The following PLOD2 variants were observed in gnomAD, a reference collection of about 807,000 sequenced individuals.
The protein encoded by PLOD2 is procollagen-lysine,2-oxoglutarate 5-dioxygenase 2.
Under a neutral mutation model 101.0 loss-of-function variants are expected in PLOD2, and 65 were observed. The observed-to-expected ratio is 0.64, with a 90% CI of 0.53 to 0.79. The LOEUF (loss-of-function observed/expected upper bound fraction) is 0.79. Ranked by LOEUF, PLOD2 falls within the 30% of genes least tolerant of loss-of-function variation. The probability of loss-of-function intolerance (pLI) is 0.00; values close to 1 mark genes in which losing one functional copy is unlikely to be tolerated. For synonymous variants in PLOD2, 314 were observed against 302.9 expected (o/e 1.04, Z -0.38); for missense variants, 909 against 914.6 (o/e 0.99, Z 0.08).
chr3:146,132,197 T>A (rs1431122396), intron 1 of PLOD2, among the ~76,000 whole-genome samples: 3 of 152,156 alleles, frequency 2.0e-5, no homozygotes, highest in African/African-American at 7.2e-5. Flanking sequence ...CATCCCAGTA[T>A]GCCCAGGGCT....
chr3:146,156,384 T>C (rs1450888490), intron 1 of PLOD2, among the ~76,000 whole-genome samples: 2 of 152,276 alleles, frequency 1.3e-5, no homozygotes, highest in Non-Finnish European at 2.9e-5. Context: ...CTGTAACTAC[T>C]ACTCAGCTCT....
intron 1 of PLOD2, among the ~76,000 whole-genome samples, chr3:146,156,324 T>G (rs1046170459): frequency 1.3e-5 from 2 of 152,224 alleles, no homozygotes; most frequent in Non-Finnish European, 2.9e-5. Flanking sequence ...AAAGTTTTTC[T>G]GTACAGGACC....
At chr3:146,139,962 G>C (rs2031442204) in intron 1 of PLOD2, among the ~76,000 whole-genome samples, 1 of 151,980 alleles carries the variant, frequency 6.6e-6, no homozygotes. Flanking sequence ...AGAAATGAAT[G>C]GTTCGCCACC....
intron 15 of PLOD2, among the ~76,000 whole-genome samples, chr3:146,074,693 T>C (rs576519890): frequency 2.1e-5 from 3 of 140,220 alleles, no homozygotes; most frequent in African/African-American, 8.0e-5. Context: ...CAATACTGAT[T>C]TTTCTTCAAG....
chr3:146,117,748 T>C (rs2108083510), intron 3 of PLOD2, among the ~76,000 whole-genome samples: 1 of 152,280 alleles, frequency 6.6e-6, no homozygotes, highest in Non-Finnish European at 1.5e-5. Context: ...TAACAGTGCC[T>C]GGAAGACACT....
chr3:146,153,746 CAGG>C (rs1447293780), intron 1 of PLOD2, among the ~76,000 whole-genome samples: 3 of 149,868 alleles, frequency 2.0e-5, no homozygotes, highest in African/African-American at 7.4e-5. Flanking sequence ...CGAGACTGAC[CAGG>C]AGTACTGTCA....
At chr3:146,075,564 C>T (rs1340758337) in intron 15 of PLOD2, among the ~76,000 whole-genome samples, 1 of 150,104 alleles carries the variant, frequency 6.7e-6, no homozygotes. Context: ...ACTCCATATG[C>T]TGAATCAATC....
In PLOD2 at chr3:146,160,894, C is replaced by T. The variant is rs1177148138; in HGVS notation, c.96G>A (p.Ser32=). ...CGGGGTGCTCACCTGTGGGGATGCT[C>T]GAGGGCTTCTCCGAGTCCGCACCCA... is the stretch of plus-strand genomic sequence containing the variant. The part of the protein sequence containing the change: ...PCLGADSEKP[S]SIPTDKLLVI... Residue 32 remains serine, a synonymous_variant, in exon 1 of 20, where the codon TCG becomes TCA. Coordinates refer to ENST00000282903, the MANE Select transcript of PLOD2 (RefSeq NM_182943.3). 2 of 1,579,936 alleles carry T rather than the reference C, an allele frequency of 1.3e-6. No individual in the cohort carries two copies. The highest frequency in any genetic ancestry group is 2.3e-5 in the East Asian group (1 of 43,302).
Position 146,100,077 on chromosome 3 carries a change from C to T in PLOD2, c.777+2678G>A, listed in dbSNP as rs1029495297. Among the ~76,000 whole-genome samples the T allele has an allele frequency of 1.1e-4, 17 of 152,088 alleles. No homozygotes were observed. The East Asian group carries it at 2.9e-3, about 26-fold the overall frequency. ...TGTATTTTTAGTAGAGACGGGGTTT[C>T]ACCATGTTGGTCAGGCTGGTCTTGA... On this transcript the variant is annotated intron_variant, in intron 7 of 19. Coordinates refer to ENST00000282903, the MANE Select transcript of PLOD2 (RefSeq NM_182943.3).
chr3:146,116,755 G>A (rs181362606), intron 3 of PLOD2, among the ~76,000 whole-genome samples: 132 of 152,224 alleles, frequency 8.7e-4, no homozygotes, highest in Non-Finnish European at 1.5e-3. Context: ...GACAGTATCA[G>A]ATGGTCTCAC....
At chr3:146,077,700 G>C in intron 14 of PLOD2, 162 bp downstream of exon 14, 2 of 555,636 alleles carry the variant, frequency 3.6e-6, no homozygotes, top group Non-Finnish European at 3.2e-6. Context: ...CAAGACCCAT[G>C]CCCAAGTCAC....
chr3:146,070,512 A>C lies in PLOD2; in HGVS notation c.*205T>G. The C allele has an allele frequency of 2.5e-6, 1 of 395,704 alleles. No individual in the cohort carries two copies. Among genetic ancestry groups the C allele is most frequent in the South Asian group, 8.6e-5 (1 of 11,570 alleles). 24.5% of individuals were successfully genotyped at this position (395,704 alleles called of 1,614,324 possible). On this transcript the variant is annotated 3_prime_UTR_variant, in exon 20 of 20. Transcript: ENST00000282903. ...AAGTTTTTTCTTTCTTTTCTTCTTC[A>C]ATCTGTGTTTTAAGGCTCAGAGCAG...
intron 4 of PLOD2, among the ~76,000 whole-genome samples, chr3:146,107,021 T>C (rs1937546589): frequency 6.6e-6 from 1 of 152,202 alleles, no homozygotes; most frequent in Admixed American, 6.5e-5. Context: ...AAGCTCTTCT[T>C]GGATTCTCTG....
At chr3:146,080,480 T>C (rs183295204) in intron 12 of PLOD2, among the ~76,000 whole-genome samples, 82 of 151,968 alleles carry the variant, frequency 5.4e-4, no homozygotes, top group Non-Finnish European at 9.9e-4. Context: ...CAGAAATTAA[T>C]CTCTGGGGAA....
In PLOD2 at chr3:146,076,869, T is replaced by C; in HGVS notation, c.1590A>G (p.Arg530=). The C allele has an allele frequency of 6.4e-7, 1 of 1,569,934 alleles. No homozygotes were observed. Among genetic ancestry groups the C allele is most frequent in the Non-Finnish European group, 8.8e-7 (1 of 1,141,012 alleles). Residue 530 remains arginine (R), a synonymous_variant, in exon 15 of 20, where the codon AGA becomes AGG. Coordinates refer to ENST00000282903, the MANE Select transcript of PLOD2 (RefSeq NM_182943.3). ...TGGATAATAGCCTTCCAAATTCATG[T>C]CTATTAGAAATGTACATAAATACAC... The part of the protein sequence containing the change: ...PKGVFMYISN[R]HEFGRLLSTA...
chr3:146,127,836 G>A (rs2030662898), intron 1 of PLOD2, among the ~76,000 whole-genome samples: 1 of 152,070 alleles, frequency 6.6e-6, no homozygotes, highest in Non-Finnish European at 1.5e-5. Context: ...CAGTCAGAAT[G>A]GCTATTGTTA....
In PLOD2 at chr3:146,085,182, T is replaced by C. The variant is rs1272188553; in HGVS notation, c.1219A>G (p.Ile407Val). The change falls in exon 11 of 20, where the codon ATT becomes GTT. Residue 407 changes from isoleucine to valine, a missense_variant. Transcript: ENST00000282903. ...LTNPRTLKILIEQNRKIIAPL... is the reference protein window; with the variant it reads ...LTNPRTLKILVEQNRKIIAPL... ...TTTAGAAAGTACCTGTTTTGTTCAA[T>C]CAAAATTTTTAAAGTCCTTGGATTT... 10 of 1,514,720 alleles carry C rather than the reference T, an allele frequency of 6.6e-6. 1 individual carries two copies. In the Admixed American group the frequency reaches 1.5e-4, roughly 23 times the overall value. 93.8% of individuals were successfully genotyped at this position (1,514,720 alleles called of 1,614,324 possible).
Position 146,091,874 on chromosome 3 carries a change from C to T in PLOD2, c.805G>A (p.Val269Ile), listed in dbSNP as rs147665692. 735 of 1,600,242 alleles carry T rather than the reference C, an allele frequency of 4.6e-4. 8 individuals carry two copies. The East Asian group carries it at 0.011, about 24-fold the overall frequency. ...TTATCCTGTGTCCATGAATTGGGTA[C>T]ATAGTTTCCAAAATAATTCAGGAGA... Reference protein sequence around the residue: ...KILLNYFGNYVPNSWTQDNGC... With the variant: ...KILLNYFGNYIPNSWTQDNGC... Residue 269 changes from valine (V) to isoleucine (I), a missense_variant, in exon 8 of 20, where the codon GTA becomes ATA. Coordinates refer to ENST00000282903, the MANE Select transcript of PLOD2 (RefSeq NM_182943.3).
chr3:146,077,128 A>G, intron 14 of PLOD2: 2 of 1,165,960 alleles, frequency 1.7e-6, no homozygotes, highest in South Asian at 5.2e-5. Flanking sequence ...ACTGAAAAAA[A>G]GAAGAATGGA....
Sources: gnomAD v4.1 joint callset for allele counts (sites outside exome capture counted in the v4.1 genomes callset) on GRCh38, gnomAD v4.1.1 for gene constraint, MANE v1.5 for transcripts, NCBI Gene and HGNC (gene_info 2026-07-23, HGNC 2026-07-21) for gene names.